The following PRKDC variants were observed in gnomAD, a reference collection of about 807,000 sequenced individuals.
PRKDC encodes DNA-dependent protein kinase catalytic subunit.
PRKDC carries 82 observed loss-of-function variants against 486.9 expected under a neutral mutation model. The observed-to-expected ratio is 0.17, with a 90% CI of 0.14 to 0.20. The LOEUF (loss-of-function observed/expected upper bound fraction) is 0.20. PRKDC is among the 10% of genes least tolerant of loss of function. The probability of loss-of-function intolerance (pLI) is 1.00; values close to 1 mark genes in which losing one functional copy is unlikely to be tolerated. For synonymous variants in PRKDC, 1,895 were observed against 1,837.0 expected (o/e 1.03, Z -0.81); for missense variants, 4,504 against 5,038.2 (o/e 0.89, Z 3.21).
chr8:47,873,960 G>T (rs1186829677), intron 40 of PRKDC, among the ~76,000 whole-genome samples: 2 of 151,158 alleles, frequency 1.3e-5, no homozygotes, highest in Non-Finnish European at 2.9e-5. Flanking sequence ...AGAATAGGGT[G>T]ATTACAGTCA....
intron 7 of PRKDC, among the ~76,000 whole-genome samples, chr8:47,944,416 C>T (rs2090495593): frequency 6.7e-6 from 1 of 150,304 alleles, no homozygotes; most frequent in Non-Finnish European, 1.5e-5. Context: ...TTACTCATGG[C>T]CAAACATACC....
chr8:47,924,581 A>AT (rs1346101919), intron 21 of PRKDC, among the ~76,000 whole-genome samples: 1 of 151,642 alleles, frequency 6.6e-6, no homozygotes, highest in Admixed American at 6.6e-5. Flanking sequence ...AATAATAATA[A>AT]AAAAAAGGAA....
chr8:47,803,039 G>A lies in PRKDC; in HGVS notation c.9922+267C>T, dbSNP rs1359066001. ...CCTGACCTCGTGATCCACCCACCTCGGTCGCCCAAATTGCTCGGATTACAG... is the reference window on the plus strand; with the variant it reads ...CCTGACCTCGTGATCCACCCACCTCAGTCGCCCAAATTGCTCGGATTACAG... On this transcript the variant is annotated intron_variant, in intron 70 of 85. Transcript: ENST00000314191. 2.2e-4 allele frequency among the ~76,000 whole-genome samples: 33 copies of A among 152,102 alleles called. 1 individual carries two copies. The highest frequency in any genetic ancestry group is 1.8e-3 in the Admixed American group (27 of 15,262).
chr8:47,781,294 A>C (rs994895928), intron 80 of PRKDC, among the ~76,000 whole-genome samples: 15 of 152,202 alleles, frequency 9.9e-5, no homozygotes, highest in African/African-American at 3.4e-4. Context: ...AAAGGACTCA[A>C]ATGTCTGGAA....
chr8:47,816,778 C>A (rs909149039), intron 68 of PRKDC, among the ~76,000 whole-genome samples: 1 of 151,572 alleles, frequency 6.6e-6, no homozygotes, highest in Non-Finnish European at 1.5e-5. Flanking sequence ...TACTACTTTT[C>A]TTGCAACTTT....
At chr8:47,828,087 C>G in intron 62 of PRKDC, 81 bp downstream of exon 62, 1 of 1,375,908 alleles carries the variant, frequency 7.3e-7, no homozygotes, top group Non-Finnish European at 1.0e-6. Context: ...AGTCTCAACA[C>G]GGGAAACATA....
chr8:47,864,909 AAC>A, intron 40 of PRKDC, 146 bp from the exon 41 acceptor site: 2 of 652,952 alleles, frequency 3.1e-6, no homozygotes, highest in Non-Finnish European at 4.8e-6. Flanking sequence ...AAATCCACAA[AAC>A]ACAAAAAGCA....
intron 69 of PRKDC, among the ~76,000 whole-genome samples, chr8:47,804,010 A>G (rs947282326): frequency 1.3e-5 from 2 of 151,896 alleles, no homozygotes; most frequent in African/African-American, 4.8e-5. Context: ...ACAAAGCTGT[A>G]CAACCACCAC....
chr8:47,846,824 A>C (rs2088276419), intron 54 of PRKDC, among the ~76,000 whole-genome samples: 2 of 152,232 alleles, frequency 1.3e-5, no homozygotes, highest in African/African-American at 4.8e-5. Flanking sequence ...ATACAAAATC[A>C]ATGTACAAAA....
intron 74 of PRKDC, among the ~76,000 whole-genome samples, chr8:47,790,063 C>A (rs2086859360): frequency 6.6e-6 from 1 of 152,122 alleles, no homozygotes; most frequent in Non-Finnish European, 1.5e-5. Context: ...TTAGCTAGAG[C>A]AAGCTGACAA....
intron 35 of PRKDC, among the ~76,000 whole-genome samples, chr8:47,886,673 A>G (rs1589766478): frequency 6.6e-6 from 1 of 150,786 alleles, no homozygotes; most frequent in African/African-American, 2.4e-5. Flanking sequence ...ATTACAGGCA[A>G]TAAGTCACCC....
At chr8:47,948,222 C>T (rs1361842267) in intron 7 of PRKDC, among the ~76,000 whole-genome samples, 1 of 151,860 alleles carries the variant, frequency 6.6e-6, no homozygotes, top group East Asian at 1.9e-4. Context: ...CGGGTCACTG[C>T]AGCCTCTGCC....
At chr8:47,931,515 A>T (rs1389224890) in intron 16 of PRKDC, among the ~76,000 whole-genome samples, 1 of 151,890 alleles carries the variant, frequency 6.6e-6, no homozygotes, top group African/African-American at 2.4e-5. Context: ...TTTTTTAATA[A>T]AATTATTTTA....
At chr8:47,836,637 T>A (rs746467891) in intron 57 of PRKDC, 110 bp from the exon 58 acceptor site, 12 of 1,014,292 alleles carry the variant, frequency 1.2e-5, no homozygotes, top group Non-Finnish European at 1.7e-5. Flanking sequence ...ATCAGCATAT[T>A]TGTACCATAA....
chr8:47,787,547 G>T (rs1322306937), intron 76 of PRKDC, among the ~76,000 whole-genome samples: 3 of 152,184 alleles, frequency 2.0e-5, no homozygotes, highest in Non-Finnish European at 2.9e-5. Context: ...AAAAGTTCTG[G>T]ATAGATTTTC....
At chr8:47,801,559 AGCATC>A (rs1180702139) in intron 70 of PRKDC, among the ~76,000 whole-genome samples, 2 of 152,236 alleles carry the variant, frequency 1.3e-5, no homozygotes, top group African/African-American at 2.4e-5. Flanking sequence ...TTTTTATTCA[AGCATC>A]ATCATTCTGC....
chr8:47,785,559 C>A (rs1322360178), intron 76 of PRKDC, among the ~76,000 whole-genome samples: 1 of 151,828 alleles, frequency 6.6e-6, no homozygotes, highest in Non-Finnish European at 1.5e-5. Context: ...CATAGCAAGA[C>A]CCCAACTCTA....
In PRKDC at chr8:47,778,518, T is replaced by C. The variant is rs8178248; in HGVS notation, c.11794A>G (p.Met3932Val). The C allele has an allele frequency of 1.5e-5, 24 of 1,613,718 alleles. No individual in the cohort carries two copies. In the African/African-American group the frequency reaches 2.3e-4, roughly 15 times the overall value. ...ATCCCGATCACGCCGCCAGTCTCCA[T>C]GGCCACCATAAAGTTGTTCAGATGT... Reference protein sequence around the residue: ...DRHLNNFMVAMETGGVIGIDF... With the variant: ...DRHLNNFMVAVETGGVIGIDF... Residue 3932 changes from methionine to valine, a missense_variant, in exon 83 of 86, where the codon ATG (methionine) becomes GTG (valine). Transcript: ENST00000314191.
At position 47,799,334 on chromosome 8, in the gene PRKDC, C is replaced by T. The variant is rs368284467; in HGVS notation, c.10173G>A (p.Ala3391=). Residue 3391 remains alanine, a synonymous_variant, in exon 72 of 86, where the codon GCG becomes GCA. Coordinates refer to ENST00000314191, the MANE Select transcript of PRKDC (RefSeq NM_006904.7). ...AFQHLSEAVQ[A]AEEEAQPPSW... ...AGGGAGGCTGGGCCTCCTCCTCAGC[C>T]GCCTGCACAGCCTCAGAGAGGTGCT... 1.3e-5 allele frequency: 21 copies of T among 1,611,640 alleles called. 1 individual carries two copies. In the African/African-American group the frequency reaches 1.3e-4, roughly 10 times the overall value.
Sources: gnomAD v4.1 joint callset for allele counts (sites outside exome capture counted in the v4.1 genomes callset) on GRCh38, gnomAD v4.1.1 for gene constraint, MANE v1.5 for transcripts, NCBI Gene and HGNC (gene_info 2026-07-23, HGNC 2026-07-21) for gene names.